The following FRK variants were observed in gnomAD, a reference collection of about 807,000 sequenced individuals.
The protein encoded by FRK is fyn related Src family tyrosine kinase, also known as tyrosine-protein kinase FRK.
FRK carries 51 observed loss-of-function variants against 56.4 expected under a neutral mutation model. The observed-to-expected ratio is 0.90, with a 90% CI of 0.72 to 1.14. The LOEUF is 1.14. Among genes scored for constraint, FRK ranks in the 50% most tolerant of loss-of-function variants. FRK has a pLI of 0.00. For synonymous variants in FRK, 245 were observed against 217.9 expected, an observed-to-expected ratio of 1.12 and a Z score of -1.10; for missense variants, 570 against 601.4, an observed-to-expected ratio of 0.95 and a Z score of 0.55.
chr6:116,087,975 T>G, the FRK span, among the ~76,000 whole-genome samples: 4 of 152,184 alleles, frequency 2.6e-5, no homozygotes, highest in Non-Finnish European at 4.4e-5. Flanking sequence ...AAGCACGGCC[T>G]GAAAGTTGGT....
At chr6:116,098,144 C>G in the FRK span, among the ~76,000 whole-genome samples, 1 of 122,900 alleles carries the variant, frequency 8.1e-6, no homozygotes, top group Non-Finnish European at 1.6e-5. Context: ...CAGGGTCTCT[C>G]TCTGTCACCC....
At chr6:115,953,380 G>A (rs1180687359) in intron 5 of FRK, among the ~76,000 whole-genome samples, 3 of 150,984 alleles carry the variant, frequency 2.0e-5, no homozygotes, top group South Asian at 2.1e-4. Context: ...TAGTAGAGAC[G>A]GGGTTTCACC....
the FRK span, among the ~76,000 whole-genome samples, chr6:116,093,434 C>A: frequency 6.6e-6 from 1 of 152,200 alleles, no homozygotes; most frequent in African/African-American, 2.4e-5. Flanking sequence ...TAGGGCAAAC[C>A]TTTGATCTCA....
the FRK span, among the ~76,000 whole-genome samples, chr6:116,082,097 C>A: frequency 6.6e-6 from 1 of 152,104 alleles, no homozygotes; most frequent in Admixed American, 6.5e-5. Flanking sequence ...AGGAAAAGAG[C>A]ATTCTAGGCA....
At chr6:116,093,485 C>T in the FRK span, among the ~76,000 whole-genome samples, 3 of 144,684 alleles carry the variant, frequency 2.1e-5, no homozygotes, top group Admixed American at 7.0e-5. Context: ...AAACCCTGGC[C>T]TTTAATGAAA....
rs537508581 is a variant in FRK at position 115,966,093 on chromosome 6, G to GAAC, written c.799+1457_799+1458insGTT. Among the ~76,000 whole-genome samples the GAAC allele has an allele frequency of 2.4e-3, 272 of 115,192 alleles. 11 individuals are homozygous for GAAC. The South Asian group carries it at 0.046, about 20-fold the overall frequency. 75.6% of individuals were successfully genotyped at this position (115,192 alleles called of 152,430 possible). A position where few individuals can be genotyped will look rare whatever the true frequency, so the allele number is the denominator to read the frequency against. ...AAAAAAGAAATACTTAAAAAAAAAA[G>GAAC]AAGTATTTATCTTAACAATTTAATA... is the stretch of plus-strand genomic sequence containing the variant. On this transcript the variant is annotated intron_variant, in intron 4 of 7. Transcript: ENST00000606080.
the FRK span, among the ~76,000 whole-genome samples, chr6:116,098,741 A>G: frequency 2.0e-5 from 3 of 152,344 alleles, no homozygotes; most frequent in African/African-American, 7.2e-5. Flanking sequence ...TAAAAGTTTA[A>G]TGTGCAGGGA....
chr6:116,073,692 T>C, the FRK span, among the ~76,000 whole-genome samples: 1 of 152,178 alleles, frequency 6.6e-6, no homozygotes, highest in Admixed American at 6.6e-5. Flanking sequence ...GTACATATTA[T>C]GTAGGAAACT....
At chr6:115,974,745 T>C (rs1276335428) in intron 2 of FRK, among the ~76,000 whole-genome samples, 3 of 152,164 alleles carry the variant, frequency 2.0e-5, no homozygotes, top group Non-Finnish European at 2.9e-5. Flanking sequence ...TAGTAATTCT[T>C]ACCTTGGAGC....
the FRK span, among the ~76,000 whole-genome samples, chr6:116,091,727 G>A: frequency 2.0e-5 from 3 of 152,190 alleles, no homozygotes; most frequent in African/African-American, 7.2e-5. Flanking sequence ...ACTGAAGACA[G>A]GGGTGTCAGG....
intron 1 of FRK, among the ~76,000 whole-genome samples, chr6:116,028,271 T>A (rs1776170918): frequency 6.6e-6 from 1 of 152,186 alleles, no homozygotes; most frequent in African/African-American, 2.4e-5. Context: ...TAAATTTAAA[T>A]TTTCTACATA....
the FRK span, among the ~76,000 whole-genome samples, chr6:116,081,683 C>T: frequency 0.18 from 26,938 of 151,328 alleles, 2,861 homozygotes; most frequent in African/African-American, 0.29. Flanking sequence ...ATATATTCCA[C>T]AGACATAAAA....
chr6:115,948,900 G>A (rs986754040), intron 5 of FRK, among the ~76,000 whole-genome samples: 2 of 152,272 alleles, frequency 1.3e-5, no homozygotes, highest in East Asian at 3.9e-4. Flanking sequence ...CCAAACTTCT[G>A]CCTTGGATGA....
intron 2 of FRK, among the ~76,000 whole-genome samples, chr6:115,979,374 G>C (rs1019976038): frequency 2.0e-5 from 3 of 151,918 alleles, no homozygotes; most frequent in African/African-American, 4.8e-5. Context: ...ATAGAAAAAA[G>C]CTTATAAAGA....
the FRK span, among the ~76,000 whole-genome samples, chr6:116,076,751 T>C: frequency 6.6e-6 from 1 of 152,206 alleles, no homozygotes; most frequent in Non-Finnish European, 1.5e-5. Context: ...CAAATGGCCA[T>C]GCAGACCCAG....
the FRK span, among the ~76,000 whole-genome samples, chr6:116,066,886 C>CAAAACT: frequency 6.6e-6 from 1 of 152,182 alleles, no homozygotes; most frequent in Non-Finnish European, 1.5e-5. Context: ...TCTAAAGTAG[C>CAAAACT]AAAACTACCC....
chr6:115,942,709 A>G (rs1316372385), intron 7 of FRK, 84 bp from the exon 8 acceptor site: 1 of 1,152,960 alleles, frequency 8.7e-7, no homozygotes, highest in South Asian at 1.4e-5. Context: ...TTTATACTCT[A>G]GGTTACTAAG....
chr6:116,032,469 A>C (rs1776336552), intron 1 of FRK, among the ~76,000 whole-genome samples: 1 of 152,110 alleles, frequency 6.6e-6, no homozygotes, highest in Non-Finnish European at 1.5e-5. Context: ...GAGAAAAAAA[A>C]TCAAGATTCA....
chr6:115,952,751 G>A (rs1772817428), intron 5 of FRK, among the ~76,000 whole-genome samples: 3 of 151,906 alleles, frequency 2.0e-5, no homozygotes, highest in Non-Finnish European at 4.4e-5. Context: ...CATAAAAAAT[G>A]ATGAGTTCAT....
Sources: allele counts gnomAD v4.1 joint callset (sites outside exome capture counted in the v4.1 genomes callset), GRCh38; gene constraint gnomAD v4.1.1; transcripts MANE v1.5; gene names NCBI Gene and HGNC (gene_info 2026-07-23, HGNC 2026-07-21).